Variants in CSMD1 observed in about 807,000 individuals in gnomAD.
CSMD1 encodes the protein CUB and sushi domain-containing protein 1.
In CSMD1, 213 loss-of-function variants were observed where a neutral mutation model predicts 417.5. That is an observed-to-expected ratio of 0.51 (90% CI 0.46 to 0.57). CSMD1 has a LOEUF of 0.57. Among genes scored for constraint, CSMD1 ranks in the 20% least tolerant of loss-of-function variants. CSMD1 has a pLI of 0.00. For missense variants in CSMD1, 6,923 were observed against 4,529.7 expected (o/e 1.53, Z -15.17); for synonymous variants, 2,862 against 1,736.8 (o/e 1.65, Z -16.11).
intron 7 of CSMD1, among the ~76,000 whole-genome samples, chr8:3,698,936 C>T (rs1021146374): frequency 5.9e-5 from 9 of 152,176 alleles, no homozygotes; most frequent in African/African-American, 2.2e-4. Context: ...TCTGTGGTAT[C>T]CTGTGTTCTA....
At chr8:3,622,781 C>T (rs1242706696) in intron 7 of CSMD1, among the ~76,000 whole-genome samples, 1 of 90,494 alleles carries the variant, frequency 1.1e-5, no homozygotes, top group Non-Finnish European at 2.4e-5. Flanking sequence ...TCCATAAATC[C>T]CAACTATGTA....
chr8:3,902,636 C>A (rs531697405), intron 5 of CSMD1, among the ~76,000 whole-genome samples: 1 of 151,982 alleles, frequency 6.6e-6, no homozygotes, highest in Non-Finnish European at 1.5e-5. Context: ...AGGCAGAGCT[C>A]AGGGGTAATT....
At chr8:3,185,169 G>T (rs1235156135) in intron 36 of CSMD1, among the ~76,000 whole-genome samples, 2 of 152,202 alleles carry the variant, frequency 1.3e-5, no homozygotes, top group Non-Finnish European at 2.9e-5. Flanking sequence ...CGTCAGAGGG[G>T]AGTCCTGTGG....
At chr8:3,202,502 G>A (rs1350368345) in intron 31 of CSMD1, among the ~76,000 whole-genome samples, 1 of 152,168 alleles carries the variant, frequency 6.6e-6, no homozygotes, top group Non-Finnish European at 1.5e-5. Context: ...AAATTTAACT[G>A]ATGCTGTGTA....
chr8:3,182,510 C>A (rs1821399707), intron 36 of CSMD1, among the ~76,000 whole-genome samples: 2 of 151,894 alleles, frequency 1.3e-5, no homozygotes, highest in Non-Finnish European at 1.5e-5. Flanking sequence ...CCACTGCACC[C>A]GGCCCCCAAG....
rs984927886 is a variant in CSMD1 at position 4,408,770 on chromosome 8, G to C, written c.415+11183C>G. Among the ~76,000 whole-genome samples the C allele has an allele frequency of 5.3e-5, 8 of 152,124 alleles. No individual in the cohort carries two copies. The South Asian group carries it at 1.7e-3, about 32-fold the overall frequency. The stretch of plus-strand genomic sequence containing the variant: ...ATCTATTGTGCAGGTGAGGCCATCA[G>C]CTGCCATTTTTCTGGCTCCATTTAA... On this transcript the variant is annotated intron_variant, in intron 3 of 69. Coordinates refer to ENST00000635120, the MANE Select transcript of CSMD1 (RefSeq NM_033225.6).
At chr8:4,662,841 G>A (rs922446571) in intron 1 of CSMD1, among the ~76,000 whole-genome samples, 13 of 152,168 alleles carry the variant, frequency 8.5e-5, no homozygotes, top group Admixed American at 5.2e-4. Flanking sequence ...ATTGTGGCAG[G>A]ACACTTGTCA....
intron 1 of CSMD1, among the ~76,000 whole-genome samples, chr8:4,936,603 A>G (rs913526329): frequency 6.6e-6 from 1 of 152,200 alleles, no homozygotes; most frequent in African/African-American, 2.4e-5. Context: ...TTTATTTGAT[A>G]TATTTGTCAA....
At chr8:3,937,747 C>G (rs893189527) in intron 5 of CSMD1, among the ~76,000 whole-genome samples, 5 of 152,036 alleles carry the variant, frequency 3.3e-5, no homozygotes, top group African/African-American at 1.2e-4. Context: ...TACGATATTA[C>G]TGATTAAGAT....
At chr8:4,530,834 C>A (rs558292134) in intron 2 of CSMD1, among the ~76,000 whole-genome samples, 3 of 151,880 alleles carry the variant, frequency 2.0e-5, no homozygotes, top group Non-Finnish European at 2.9e-5. Context: ...CTATAGGCAG[C>A]GCTTTCTTTT....
chr8:3,869,023 C>G (rs531144704), intron 5 of CSMD1, among the ~76,000 whole-genome samples: 1 of 152,352 alleles, frequency 6.6e-6, no homozygotes, highest in East Asian at 1.9e-4. Flanking sequence ...GTAACAGCTG[C>G]AAGCATATTT....
At chr8:4,694,371 A>C (rs2116780693) in intron 1 of CSMD1, among the ~76,000 whole-genome samples, 1 of 152,138 alleles carries the variant, frequency 6.6e-6, no homozygotes, top group East Asian at 1.9e-4. Context: ...TATTTTTTTG[A>C]GACGGAGTCT....
At chr8:3,388,233 T>G (rs1372507088) in intron 17 of CSMD1, among the ~76,000 whole-genome samples, 1 of 152,236 alleles carries the variant, frequency 6.6e-6, no homozygotes, top group Admixed American at 6.5e-5. Flanking sequence ...CAAATTTTAG[T>G]TTAAGTCAGC....
At chr8:4,743,501 G>A (rs886998086) in intron 1 of CSMD1, among the ~76,000 whole-genome samples, 7 of 151,916 alleles carry the variant, frequency 4.6e-5, no homozygotes, top group African/African-American at 1.5e-4. Context: ...CAAGTACCAT[G>A]AACCTCCTGC....
chr8:4,476,045 T>C (rs1041672523), intron 2 of CSMD1, among the ~76,000 whole-genome samples: 1 of 152,034 alleles, frequency 6.6e-6, no homozygotes, highest in Non-Finnish European at 1.5e-5. Context: ...ATTTAGAAAA[T>C]TTCTGGTTAA....
At chr8:4,435,984 G>A (rs1798128589) in intron 2 of CSMD1, among the ~76,000 whole-genome samples, 1 of 152,094 alleles carries the variant, frequency 6.6e-6, no homozygotes, top group African/African-American at 2.4e-5. Context: ...CTACTTTTCT[G>A]TCACAAACAT....
At chr8:3,501,669 G>C (rs1021075110) in intron 10 of CSMD1, among the ~76,000 whole-genome samples, 1 of 152,134 alleles carries the variant, frequency 6.6e-6, no homozygotes, top group Admixed American at 6.5e-5. Flanking sequence ...CAGAAGAAAG[G>C]CCTTTCAAAC....
intron 2 of CSMD1, among the ~76,000 whole-genome samples, chr8:4,594,353 G>A (rs1176607235): frequency 6.6e-6 from 1 of 151,792 alleles, no homozygotes; most frequent in East Asian, 1.9e-4. Flanking sequence ...ACAGGCGCCA[G>A]CATGCCTGGC....
At chr8:3,129,364 CTTGT>C (rs545926686) in intron 41 of CSMD1, among the ~76,000 whole-genome samples, 4 of 152,154 alleles carry the variant, frequency 2.6e-5, no homozygotes, top group African/African-American at 4.8e-5. Context: ...TGCAGGTTTG[CTTGT>C]TTGTTTATTT....
Sources: allele counts gnomAD v4.1 joint callset (sites outside exome capture counted in the v4.1 genomes callset), GRCh38; gene constraint gnomAD v4.1.1; transcripts MANE v1.5; gene names NCBI Gene and HGNC (gene_info 2026-07-23, HGNC 2026-07-21).